PSMA7: variants seen among roughly 807,000 people sequenced by gnomAD.
PSMA7 encodes the protein proteasome 20S subunit alpha 7.
A neutral mutation model predicts 31.3 loss-of-function variants in PSMA7; 5 were observed. That is an observed-to-expected ratio of 0.16 (90% confidence interval 0.08 to 0.34). PSMA7 has a LOEUF of 0.34. Among genes scored for constraint, PSMA7 ranks in the 10% least tolerant of loss-of-function variants. The probability of loss-of-function intolerance (pLI) is 1.00; values close to 1 mark genes in which losing one functional copy is unlikely to be tolerated. For synonymous variants in PSMA7, 155 were observed against 121.9 expected (o/e 1.27, Z -1.79); for missense variants, 217 against 327.5 (o/e 0.66, Z 2.60).
rs754957100 is a variant in PSMA7, at chr20:62,136,821, T to G, written c.*36A>C. 1.3e-6 allele frequency: 2 copies of G among 1,580,390 alleles called. No homozygotes were observed. Among genetic ancestry groups the G allele is most frequent in the East Asian group, 2.2e-5 (1 of 44,546 alleles). The stretch of plus-strand genomic sequence containing the variant: ...CATCGAGACTCATCCATGATTGATA[T>G]GAATTTAAAAATTACAAGCAAAGAC... On this transcript the variant is annotated 3_prime_UTR_variant, in exon 7 of 7. Coordinates refer to ENST00000370873, the MANE Select transcript of PSMA7 (RefSeq NM_002792.4).
chr20:62,139,939 G>A (rs1375550318), intron 2 of PSMA7, 34 bp from the exon 3 acceptor site: 1 of 1,606,328 alleles, frequency 6.2e-7, no homozygotes, highest in Non-Finnish European at 8.5e-7. Flanking sequence ...CTGCTAGAGA[G>A]ACAGCACAAA....
Position 62,136,783 on chromosome 20 carries a change from G to A in PSMA7, c.*74C>T, listed in dbSNP as rs775600880. 1.2e-5 allele frequency: 19 copies of A among 1,520,342 alleles called. No homozygotes were observed. The highest frequency in any genetic ancestry group is 2.5e-4 in the Middle Eastern group (1 of 4,050). 94.2% of individuals were successfully genotyped at this position (1,520,342 alleles called of 1,614,324 possible). A position where few individuals can be genotyped will look rare whatever the true frequency, so the allele number is the denominator to read the frequency against. ...GACACTCAGTGTGAATAAATGGAAT[G>A]GAAAGGCCTACACATCGAGACTCAT... On this transcript the variant is annotated 3_prime_UTR_variant, in exon 7 of 7. Coordinates refer to ENST00000370873, the MANE Select transcript of PSMA7 (RefSeq NM_002792.4).
At chr20:62,139,965 A>G in intron 2 of PSMA7, 60 bp from the exon 3 acceptor site, 1 of 1,575,978 alleles carries the variant, frequency 6.3e-7, no homozygotes, top group Non-Finnish European at 8.6e-7. Flanking sequence ...GGGTGGGGAC[A>G]GACACGATGA....
chr20:62,138,540 G>A (rs1370784898), intron 4 of PSMA7, among the ~76,000 whole-genome samples: 7 of 149,796 alleles, frequency 4.7e-5, no homozygotes, highest in East Asian at 2.0e-4. Flanking sequence ...CTATCAAGAG[G>A]CAATGGGAGA....
In PSMA7 at chr20:62,136,802, G is replaced by A; in HGVS notation, c.*55C>T. 1 of 1,562,302 alleles carries A rather than the reference G, an allele frequency of 6.4e-7. No homozygotes were observed. The highest frequency in any genetic ancestry group is 1.4e-5 in the African/African-American group (1 of 72,412). ...TGGAATGGAAAGGCCTACACATCGA[G>A]ACTCATCCATGATTGATATGAATTT... On this transcript the variant is annotated 3_prime_UTR_variant, in exon 7 of 7. Transcript: ENST00000370873.
At chr20:62,138,094 C>A (rs2056905795) in intron 5 of PSMA7, 77 bp downstream of exon 5, 1 of 1,595,412 alleles carries the variant, frequency 6.3e-7, no homozygotes, top group Non-Finnish European at 8.6e-7. Context: ...CACCTTCCTT[C>A]CTGCTCATCT....
Position 62,140,863 on chromosome 20 carries a change from G to T in PSMA7, c.178C>A (p.Arg60=), listed in dbSNP as rs1300556692. The change falls in exon 2 of 7, where the codon CGG becomes AGG. Residue 60 remains arginine (R), a synonymous_variant. Transcript: ENST00000370873. ...TTGTCATCCAAAGCACAGATCTTCCGCACTGTTCTTTCATCCTGCAGTTTG... is the reference window on the plus strand; with the variant it reads ...TTGTCATCCAAAGCACAGATCTTCCTCACTGTTCTTTCATCCTGCAGTTTG... ...VAKLQDERTV[R]KICALDDNVC... The T allele has an allele frequency of 4.3e-6, 7 of 1,614,020 alleles. No individual in the cohort carries two copies. The highest frequency in any genetic ancestry group is 3.3e-5 in the Admixed American group (2 of 59,990).
intron 1 of PSMA7, among the ~76,000 whole-genome samples, chr20:62,141,937 C>A (rs889834674): frequency 2.0e-5 from 3 of 152,234 alleles, no homozygotes; most frequent in African/African-American, 7.2e-5. Context: ...CAGGGCTTCT[C>A]CAGCTCAGCA....
At chr20:62,142,459 G>A (rs2056937951) in intron 1 of PSMA7, 1 of 152,218 alleles carries the variant, frequency 6.6e-6, no homozygotes, top group African/African-American at 2.4e-5. Flanking sequence ...AAAGAATAAC[G>A]ATCTCACAGA....
chr20:62,142,980 T>C (rs1254091426), intron 1 of PSMA7, among the ~76,000 whole-genome samples: 1 of 149,958 alleles, frequency 6.7e-6, no homozygotes, highest in Non-Finnish European at 1.5e-5. Flanking sequence ...AGCGAGGCGC[T>C]GAGTGGGGAG....
Position 62,136,873 on chromosome 20 carries a change from T to C in PSMA7, c.731A>G (p.Gln244Arg). 1.3e-6 allele frequency: 2 copies of C among 1,598,482 alleles called. No individual in the cohort carries two copies. Among genetic ancestry groups the C allele is most frequent in the Non-Finnish European group, 1.7e-6 (2 of 1,174,890 alleles). The stretch of plus-strand genomic sequence containing the variant: ...TTTTATTCATCATGATGCTTTCTTT[T>C]GTTTCTTCTTTTCGTTTTCTTCTTT... ...KEKEENEKKK[Q>R]KKAS The change falls in exon 7 of 7, where the codon CAA becomes CGA. Residue 244 changes from glutamine to arginine, a missense_variant. This residue lies in a region of PSMA7 where 88 missense variants were observed against 111.6 expected (regional missense o/e 0.79). Coordinates refer to ENST00000370873, the MANE Select transcript of PSMA7 (RefSeq NM_002792.4).
chr20:62,138,010 C>T (rs906835834), intron 5 of PSMA7, among the ~76,000 whole-genome samples, 161 bp downstream of exon 5: 5 of 152,214 alleles, frequency 3.3e-5, no homozygotes, highest in African/African-American at 1.2e-4. Context: ...AGGAACACAG[C>T]AGTTAGGATA....
chr20:62,139,399 G>A (rs1444646020), intron 3 of PSMA7: 1 of 714,598 alleles, frequency 1.4e-6, no homozygotes, highest in African/African-American at 1.8e-5. Flanking sequence ...CCTAGGACCA[G>A]AATTGTGAAC....
At chr20:62,138,657 C>T (rs1467894711) in intron 4 of PSMA7, among the ~76,000 whole-genome samples, 2 of 150,038 alleles carry the variant, frequency 1.3e-5, no homozygotes, top group African/African-American at 2.5e-5. Flanking sequence ...CGGGTTCAAG[C>T]GATTTTCCTG....
rs181722018 is a variant in PSMA7, at chr20:62,137,790, G to A, written c.592-364C>T. Among the ~76,000 whole-genome samples the A allele has an allele frequency of 2.1e-4, 32 of 152,266 alleles. No individual in the cohort carries two copies. The East Asian group carries it at 5.4e-3, about 26-fold the overall frequency. On this transcript the variant is annotated intron_variant, in intron 5 of 6. Transcript: ENST00000370873. ...GCTAGCACTTCAAGGTCTTGACAAAGCCCAACCATATCTCCAGTTCTCTAA... is the reference window on the plus strand; with the variant it reads ...GCTAGCACTTCAAGGTCTTGACAAAACCCAACCATATCTCCAGTTCTCTAA...
chr20:62,140,685 C>A, intron 2 of PSMA7, 133 bp downstream of exon 2: 1 of 1,200,874 alleles, frequency 8.3e-7, no homozygotes, highest in Non-Finnish European at 1.1e-6. Context: ...AGTCCAAATC[C>A]AATTCTTTTA....
intron 1 of PSMA7, among the ~76,000 whole-genome samples, chr20:62,141,817 G>A (rs1458693163): frequency 3.3e-5 from 5 of 152,260 alleles, no homozygotes; most frequent in Admixed American, 1.3e-4. Flanking sequence ...TGATGCTGGA[G>A]AAGGATATGG....
At position 62,141,005 on chromosome 20, in the gene PSMA7, A is replaced by G. The variant is rs1319121071; in HGVS notation, c.97-61T>C. On this transcript the variant is annotated intron_variant, in intron 1 of 6. Transcript: ENST00000370873. ...ATATGAGTGCTGGGTGCAGTGGCTC[A>G]TGCCTGTTAATTCCAGCACTTTGGG... 3 of 1,594,230 alleles carry G rather than the reference A, an allele frequency of 1.9e-6. No homozygotes were observed. In the African/African-American group the frequency reaches 4.0e-5, roughly 21 times the overall value.
At chr20:62,142,827 G>C (rs1489218275) in intron 1 of PSMA7, among the ~76,000 whole-genome samples, 1 of 151,864 alleles carries the variant, frequency 6.6e-6, no homozygotes, top group Non-Finnish European at 1.5e-5. Flanking sequence ...TACCCCCCGC[G>C]CTCCGCGGCC....
Sources: allele counts gnomAD v4.1 joint callset (sites outside exome capture counted in the v4.1 genomes callset), GRCh38; gene constraint gnomAD v4.1.1; regional missense constraint gnomAD v4.1.1; transcripts MANE v1.5; gene names NCBI Gene and HGNC (gene_info 2026-07-23, HGNC 2026-07-21).